POLD3: variants seen among roughly 807,000 people sequenced by gnomAD.
POLD3 encodes DNA polymerase delta subunit 3.
POLD3 carries 19 observed loss-of-function variants against 58.2 expected under a neutral mutation model. The observed-to-expected ratio is 0.33, with a 90% CI of 0.23 to 0.48. POLD3 has a LOEUF of 0.48. Among genes scored for constraint, POLD3 ranks in the 20% least tolerant of loss-of-function variants. POLD3 has a pLI of 0.99. For synonymous variants in POLD3, 172 were observed against 193.5 expected (o/e 0.89, Z 0.92); for missense variants, 504 against 545.5 (o/e 0.92, Z 0.76).
intron 9 of POLD3, among the ~76,000 whole-genome samples, chr11:74,632,875 A>ATTACACACACACACACACACAC (rs1157307914): frequency 3.4e-5 from 2 of 59,240 alleles, no homozygotes; most frequent in African/African-American, 3.2e-4. Flanking sequence ...TATTTAAGTA[A>ATTACACACACACACACACACAC]ATACACACAC....
At chr11:74,621,220 T>G (rs1015984888) in intron 7 of POLD3, among the ~76,000 whole-genome samples, 7 of 152,066 alleles carry the variant, frequency 4.6e-5, no homozygotes, top group African/African-American at 1.7e-4. Flanking sequence ...GAGCAGCAAA[T>G]GAGCAAGCGT....
intron 11 of POLD3, among the ~76,000 whole-genome samples, chr11:74,637,431 C>CT (rs2032780351): frequency 4.9e-5 from 4 of 80,894 alleles, no homozygotes; most frequent in South Asian, 4.5e-4. Flanking sequence ...TTTTCTTTTT[C>CT]TTCCTTTTTT....
chr11:74,604,431 C>A, intron 2 of POLD3: 1 of 324,732 alleles, frequency 3.1e-6, no homozygotes, highest in Non-Finnish European at 5.7e-6. Context: ...GGTTCAGTCC[C>A]TCTTGGTCTA....
rs1290701526 is a variant in POLD3 at position 74,634,624 on chromosome 11, T to C, written c.1048T>C (p.Ser350Pro). The C allele has an allele frequency of 6.2e-7, 1 of 1,612,836 alleles. No homozygotes were observed. Among genetic ancestry groups the C allele is most frequent in the South Asian group, 1.1e-5 (1 of 91,054 alleles). ...SPGAYEAESP[S>P]PPPPPSPPLE... is the part of the protein sequence containing the mutation. ...TGGGGCTTATGAAGCTGAGTCACCA[T>C]CCCCACCTCCTCCTCCGTCTCCACC... Residue 350 changes from serine to proline, a missense_variant, in exon 10 of 12, where the codon TCC becomes CCC. Ser to Pro is a moderately conservative substitution (Grantham distance 74). Transcript: ENST00000263681.
chr11:74,648,235 T>C (rs72983223), intron 4 of POLD3, among the ~76,000 whole-genome samples: 2,476 of 152,304 alleles, frequency 0.016, 24 homozygotes, highest in Non-Finnish European at 0.027. Flanking sequence ...GGCTACGATC[T>C]GCAGCTTGTA....
intron 4 of POLD3, among the ~76,000 whole-genome samples, chr11:74,665,100 AAAAAAT>A (rs201022923): frequency 0.19 from 28,367 of 150,450 alleles, 2,794 homozygotes; most frequent in Middle Eastern, 0.29. Context: ...ACTCCATCTC[AAAAAAT>A]AAAAATAAAA....
Position 74,641,380 on chromosome 11 carries a change from G to T in POLD3, c.*614G>T. 2.0e-6 allele frequency: 2 copies of T among 985,418 alleles called. No homozygotes were observed. Among genetic ancestry groups the T allele is most frequent in the Non-Finnish European group, 2.4e-6 (2 of 829,936 alleles). 61.0% of individuals were successfully genotyped at this position (985,418 alleles called of 1,614,324 possible). On this transcript the variant is annotated 3_prime_UTR_variant, in exon 12 of 12. Coordinates refer to ENST00000263681, the MANE Select transcript of POLD3 (RefSeq NM_006591.3). ...CTGGCTACAGACCAGGACGTGGCTT[G>T]TGTTCTGTTCCTTTCACAAAAGCTC... is the stretch of plus-strand genomic sequence containing the variant.
intron 4 of POLD3, among the ~76,000 whole-genome samples, chr11:74,657,988 G>C (rs2033158183): frequency 6.6e-6 from 1 of 152,106 alleles, no homozygotes; most frequent in East Asian, 1.9e-4. Context: ...AGGTTTATTA[G>C]ATGCCTCAAG....
chr11:74,660,885 A>G (rs2033198172), intron 4 of POLD3, among the ~76,000 whole-genome samples: 1 of 151,932 alleles, frequency 6.6e-6, no homozygotes, highest in African/African-American at 2.4e-5. Context: ...GCAATGTAAA[A>G]ACAGGCTAAT....
At chr11:74,652,632 G>A (rs1376130875) in intron 4 of POLD3, 2 of 152,332 alleles carry the variant, frequency 1.3e-5, no homozygotes, top group Non-Finnish European at 2.9e-5. Context: ...TCACTGTGAA[G>A]AGGCACACAA....
intron 9 of POLD3, among the ~76,000 whole-genome samples, chr11:74,630,582 C>T (rs988480459): frequency 6.6e-6 from 1 of 152,140 alleles, no homozygotes; most frequent in Non-Finnish European, 1.5e-5. Flanking sequence ...CCCAGAGAGG[C>T]AAATGCTGTA....
intron 2 of POLD3, among the ~76,000 whole-genome samples, chr11:74,603,244 G>A (rs1191710047): frequency 1.3e-5 from 2 of 152,210 alleles, no homozygotes; most frequent in Non-Finnish European, 2.9e-5. Flanking sequence ...GATAATGAAG[G>A]TGAGGTGGGG....
intron 3 of POLD3, among the ~76,000 whole-genome samples, chr11:74,608,515 C>G (rs950674813): frequency 2.6e-5 from 4 of 152,156 alleles, no homozygotes; most frequent in East Asian, 1.9e-4. Context: ...GGGCTTACCC[C>G]CTCCTAGGCT....
At chr11:74,620,906 C>T (rs987134743) in intron 7 of POLD3, among the ~76,000 whole-genome samples, 6 of 145,900 alleles carry the variant, frequency 4.1e-5, no homozygotes, top group Admixed American at 2.1e-4. Flanking sequence ...TTGGTGGTCA[C>T]GGGAGGGATT....
intron 10 of POLD3, 62 bp downstream of exon 10, chr11:74,634,757 C>G (rs1411227215): frequency 1.1e-6 from 1 of 933,170 alleles, no homozygotes; most frequent in Non-Finnish European, 1.8e-6. Flanking sequence ...GACCTACAAC[C>G]ACTATGCTAA....
At chr11:74,637,435 CT>C (rs5792663) in intron 11 of POLD3, among the ~76,000 whole-genome samples, 58 of 115,438 alleles carry the variant, frequency 5.0e-4, no homozygotes, top group Middle Eastern at 6.0e-3. Flanking sequence ...CTTTTTCTTC[CT>C]TTTTTTTTTT....
chr11:74,600,350 C>G (rs943645499), intron 2 of POLD3, among the ~76,000 whole-genome samples: 1 of 152,052 alleles, frequency 6.6e-6, no homozygotes. Context: ...TTTGGGAGGC[C>G]GAGGAGGGCA....
intron 3 of POLD3, among the ~76,000 whole-genome samples, chr11:74,607,155 T>C (rs1714706317): frequency 6.6e-6 from 1 of 151,796 alleles, no homozygotes; most frequent in African/African-American, 2.4e-5. Context: ...TTAATTCTTC[T>C]ATTAATAATT....
chr11:74,629,031 G>T lies in POLD3; in HGVS notation c.900-186G>T, dbSNP rs61903865. 7.3e-3 allele frequency: 3,090 copies of T among 421,142 alleles called. 26 individuals carry two copies. Among genetic ancestry groups the T allele is most frequent in the Non-Finnish European group, 0.011 (2,488 of 236,126 alleles). The allele number at this position is 421,142 out of a possible 1,614,324, so 26.1% of individuals were successfully genotyped here. ...AACTTTTTTATTCAAGTCACCTCAT[G>T]AAGTGACTTAGTTGTGGTCAGTTAG... On this transcript the variant is annotated intron_variant, in intron 8 of 11. Coordinates refer to ENST00000263681, the MANE Select transcript of POLD3 (RefSeq NM_006591.3).
Sources: allele counts gnomAD v4.1 joint callset (sites outside exome capture counted in the v4.1 genomes callset), GRCh38; gene constraint gnomAD v4.1.1; transcripts MANE v1.5; gene names NCBI Gene and HGNC (gene_info 2026-07-23, HGNC 2026-07-21).